TLL1: variants seen among roughly 807,000 people sequenced by gnomAD.
TLL1 encodes tolloid like 1.
TLL1 carries 49 observed loss-of-function variants against 128.2 expected under a neutral mutation model. The observed-to-expected ratio is 0.38, with a 90% CI of 0.30 to 0.48. The LOEUF (loss-of-function observed/expected upper bound fraction) is 0.48, where lower values mean the gene tolerates loss of function less well. Ranked by LOEUF, TLL1 falls within the 20% of genes least tolerant of loss-of-function variation. The pLI is 0.96. For synonymous variants in TLL1, 454 were observed against 418.8 expected (o/e 1.08, Z -1.03); for missense variants, 1,123 against 1,242.0 (o/e 0.90, Z 1.44).
At chr4:166,098,218 C>T (rs1330586080) in intron 19 of TLL1, among the ~76,000 whole-genome samples, 4 of 151,268 alleles carry the variant, frequency 2.6e-5, no homozygotes, top group African/African-American at 4.9e-5. Context: ...GCCTGTAGTG[C>T]CAGTTACTTG....
intron 1 of TLL1, among the ~76,000 whole-genome samples, chr4:165,906,672 A>C (rs1732272457): frequency 6.6e-6 from 1 of 152,170 alleles, no homozygotes; most frequent in Non-Finnish European, 1.5e-5. Flanking sequence ...GCAGTTTTTC[A>C]GGCTCATCCA....
chr4:165,902,947 C>T (rs1732068126), intron 1 of TLL1, among the ~76,000 whole-genome samples: 1 of 152,140 alleles, frequency 6.6e-6, no homozygotes, highest in Admixed American at 6.5e-5. Context: ...ATTTAAGATA[C>T]CAACAACACT....
intron 2 of TLL1, 71 bp from the exon 3 acceptor site, chr4:165,992,733 C>T: frequency 7.4e-7 from 1 of 1,342,560 alleles, no homozygotes; most frequent in South Asian, 1.2e-5. Context: ...TCATTGTTGC[C>T]TATGACTGTT....
intron 13 of TLL1, 56 bp downstream of exon 13, chr4:166,055,327 GT>G: frequency 6.7e-7 from 1 of 1,494,478 alleles, no homozygotes; most frequent in Non-Finnish European, 9.3e-7. Context: ...TACTTGTAGT[GT>G]TTAGCTTTGA....
intron 1 of TLL1, among the ~76,000 whole-genome samples, chr4:165,899,805 T>C (rs1450010716): frequency 6.6e-6 from 1 of 152,186 alleles, no homozygotes; most frequent in Non-Finnish European, 1.5e-5. Context: ...TTGATCTGTC[T>C]AATATTGACA....
At chr4:166,070,705 G>A (rs928388150) in intron 16 of TLL1, among the ~76,000 whole-genome samples, 1 of 151,902 alleles carries the variant, frequency 6.6e-6, no homozygotes, top group African/African-American at 2.4e-5. Context: ...ATTGCAATCT[G>A]TCTAGCTCTA....
chr4:165,939,579 G>A (rs1733911003), intron 1 of TLL1, among the ~76,000 whole-genome samples: 1 of 151,732 alleles, frequency 6.6e-6, no homozygotes, highest in African/African-American at 2.4e-5. Flanking sequence ...CATTACCCTT[G>A]GATCCTCAAG....
intron 1 of TLL1, among the ~76,000 whole-genome samples, chr4:165,983,423 C>T (rs944652299): frequency 6.6e-6 from 1 of 151,814 alleles, no homozygotes; most frequent in African/African-American, 2.4e-5. Flanking sequence ...CAACATGCTG[C>T]TTGTGTCTAA....
At chr4:165,986,263 G>T (rs750455768) in intron 1 of TLL1, among the ~76,000 whole-genome samples, 4 of 152,040 alleles carry the variant, frequency 2.6e-5, no homozygotes, top group Non-Finnish European at 4.4e-5. Flanking sequence ...AGTATAAATT[G>T]TCATGGTCCA....
rs2110955767 is a variant in TLL1 at position 165,959,190 on chromosome 4, T to G, written c.170-30191T>G. On this transcript the variant is annotated intron_variant, in intron 1 of 20. Coordinates refer to ENST00000061240, the MANE Select transcript of TLL1 (RefSeq NM_012464.5). The stretch of plus-strand genomic sequence containing the variant: ...TTTTGGCTTAGGATTGACTTGGCGA[T>G]GCGGGCTTTTTTTTGGTTCCATATG... 2.0e-5 allele frequency among the ~76,000 whole-genome samples: 3 copies of G among 152,276 alleles called. 1 individual carries two copies. The Middle Eastern group carries it at 0.01, about 518-fold the overall frequency.
In TLL1 at chr4:166,083,310, T is replaced by C. The variant is rs186166289; in HGVS notation, c.2442+5280T>C. On this transcript the variant is annotated intron_variant, in intron 18 of 20. Coordinates refer to ENST00000061240, the MANE Select transcript of TLL1 (RefSeq NM_012464.5). The stretch of plus-strand genomic sequence containing the variant: ...TGTATTTACCATGTACAATGTGATA[T>C]ATTGAAGTATATGTACATTGTTTAA... 2.1e-4 allele frequency among the ~76,000 whole-genome samples: 26 copies of C among 123,910 alleles called. 6 individuals are homozygous for C. Among genetic ancestry groups the C allele is most frequent in the Admixed American group, 1.6e-3 (17 of 10,418 alleles). 81.3% of individuals were successfully genotyped at this position (123,910 alleles called of 152,430 possible).
chr4:165,927,237 C>G (rs951149956), intron 1 of TLL1, among the ~76,000 whole-genome samples: 1 of 152,170 alleles, frequency 6.6e-6, no homozygotes, highest in African/African-American at 2.4e-5. Context: ...CAATCACTCT[C>G]TTAGTAATTT....
chr4:166,002,651 C>G (rs979641026), intron 5 of TLL1, among the ~76,000 whole-genome samples: 1 of 151,966 alleles, frequency 6.6e-6, no homozygotes, highest in Admixed American at 6.6e-5. Flanking sequence ...TACCATGTTT[C>G]CTAGGCTGGT....
intron 1 of TLL1, among the ~76,000 whole-genome samples, chr4:165,928,919 C>A (rs1733390043): frequency 6.6e-6 from 1 of 152,132 alleles, no homozygotes; most frequent in Non-Finnish European, 1.5e-5. Context: ...TCATCAAATT[C>A]TCTTGAAGTA....
At chr4:166,099,927 A>G (rs1337610175) in intron 20 of TLL1, among the ~76,000 whole-genome samples, 3 of 152,236 alleles carry the variant, frequency 2.0e-5, no homozygotes, top group African/African-American at 7.2e-5. Context: ...TCTAATTCAC[A>G]TTCTCTTTTT....
intron 1 of TLL1, among the ~76,000 whole-genome samples, chr4:165,915,744 T>C (rs891012270): frequency 1.3e-5 from 2 of 152,168 alleles, no homozygotes; most frequent in Non-Finnish European, 2.9e-5. Flanking sequence ...CCAAGACTGA[T>C]TGATCTCAGC....
At chr4:166,096,995 A>G (rs958466733) in intron 19 of TLL1, among the ~76,000 whole-genome samples, 1 of 152,140 alleles carries the variant, frequency 6.6e-6, no homozygotes, top group Non-Finnish European at 1.5e-5. Context: ...AATAATAACA[A>G]TAATAATGGT....
intron 14 of TLL1, among the ~76,000 whole-genome samples, chr4:166,059,466 T>G (rs1032339030): frequency 6.6e-6 from 1 of 152,098 alleles, no homozygotes; most frequent in African/African-American, 2.4e-5. Context: ...CTTTTTGGAA[T>G]AACAAATATG....
intron 1 of TLL1, among the ~76,000 whole-genome samples, chr4:165,944,121 G>A (rs142792068): frequency 9.1e-4 from 139 of 152,182 alleles, no homozygotes; most frequent in African/African-American, 2.8e-3. Context: ...AGCTATGTCC[G>A]ATGAAAAGAT....
Sources: allele counts gnomAD v4.1 joint callset (sites outside exome capture counted in the v4.1 genomes callset), GRCh38; gene constraint gnomAD v4.1.1; transcripts MANE v1.5; gene names NCBI Gene and HGNC (gene_info 2026-07-23, HGNC 2026-07-21).